The following CHADL variants were observed in gnomAD, a reference collection of about 807,000 sequenced individuals.
CHADL encodes the protein chondroadherin-like protein.
A neutral mutation model predicts 52.1 loss-of-function variants in CHADL; 48 were observed. The ratio of observed to expected loss-of-function variants is 0.92; its 90% CI spans 0.73 to 1.17. CHADL has a LOEUF of 1.17. Ranked by LOEUF, CHADL falls within the 50% of genes most tolerant of loss-of-function variation. The pLI is 0.00. For synonymous variants in CHADL, 498 were observed against 511.2 expected (o/e 0.97, Z 0.35); for missense variants, 977 against 1,035.1 (o/e 0.94, Z 0.77).
chr22:41,230,158 G>A (rs1266575738), intron 5 of CHADL: 1 of 1,549,748 alleles, frequency 6.5e-7, no homozygotes, highest in African/African-American at 1.4e-5. Context: ...TGCGTGTGAA[G>A]GAAGAGCATC....
intron 5 of CHADL, among the ~76,000 whole-genome samples, chr22:41,232,140 G>A (rs936642283): frequency 2.6e-5 from 4 of 151,750 alleles, no homozygotes; most frequent in East Asian, 1.9e-4. Flanking sequence ...AGACCATCCT[G>A]GCTAACACGA....
At chr22:41,231,290 C>T (rs1356801938) in intron 5 of CHADL, 1 of 152,238 alleles carries the variant, frequency 6.6e-6, no homozygotes, top group Non-Finnish European at 1.5e-5. Flanking sequence ...TGTTAGATCT[C>T]TATTCCTTGC....
intron 5 of CHADL, among the ~76,000 whole-genome samples, chr22:41,234,717 A>G (rs2032705129): frequency 6.6e-6 from 1 of 152,008 alleles, no homozygotes; most frequent in Non-Finnish European, 1.5e-5. Context: ...CCACAGCCGG[A>G]TAATTTTTTT....
At chr22:41,234,770 G>T (rs1291289354) in intron 5 of CHADL, among the ~76,000 whole-genome samples, 1 of 151,998 alleles carries the variant, frequency 6.6e-6, no homozygotes, top group Non-Finnish European at 1.5e-5. Context: ...TAGCCAGATG[G>T]TCTCTATCTC....
At chr22:41,237,122 C>A (rs879078970) in intron 3 of CHADL, 54 bp downstream of exon 3, 2 of 1,475,044 alleles carry the variant, frequency 1.4e-6, no homozygotes, top group South Asian at 1.3e-5. Context: ...ATGCACGCTG[C>A]CTGTGGCCTT....
At chr22:41,233,587 T>G (rs897569249) in intron 5 of CHADL, among the ~76,000 whole-genome samples, 18 of 152,296 alleles carry the variant, frequency 1.2e-4, no homozygotes, top group African/African-American at 4.3e-4. Context: ...AGGGAGCACC[T>G]GGGGCCACCA....
rs767027918 is a variant in CHADL at position 41,237,382 on chromosome 22, C to T, written c.1690G>A (p.Ala564Thr). ...GNRITEVSLG[A>T]LGPARELEKL... is the part of the protein sequence containing the mutation. ...TCCAGCTCCCGAGCTGGGCCCAGCG[C>T]CCCAAGGGACACTTCGGTGATGCGG... The change falls in exon 3 of 6, where the codon GCG (alanine) becomes ACG (threonine). Residue 564 changes from alanine (A) to threonine (T), a missense_variant. Transcript: ENST00000216241. The T allele has an allele frequency of 1.3e-6, 2 of 1,550,552 alleles. No individual in the cohort carries two copies. Among genetic ancestry groups the T allele is most frequent in the African/African-American group, 1.4e-5 (1 of 73,062 alleles).
At chr22:41,232,155 A>C (rs549546436) in intron 5 of CHADL, among the ~76,000 whole-genome samples, 1 of 151,882 alleles carries the variant, frequency 6.6e-6, no homozygotes, top group South Asian at 2.1e-4. Context: ...ACACGATGAA[A>C]CCCTGTCTCT....
chr22:41,238,875 C>T lies in CHADL; in HGVS notation c.197G>A (p.Arg66Gln). 3 of 1,536,178 alleles carry T rather than the reference C, an allele frequency of 2.0e-6. No homozygotes were observed. Among genetic ancestry groups the T allele is most frequent in the Non-Finnish European group, 1.8e-6 (2 of 1,136,266 alleles). ...CAGCAAATTGCCCTGCAGGTCCAGC[C>T]GCTGGGTCAGCTGGGGACAGCGAGG... ...VPDAIPELTQ[R>Q]LDLQGNLLKV... Residue 66 changes from arginine to glutamine, a missense_variant, in exon 3 of 6, where the codon CGG becomes CAG. Transcript: ENST00000216241. This position sits in a 1 kb window ranked among gnomAD's most constrained non-coding sequence, Gnocchi z 4.9.
In CHADL at chr22:41,237,836, C is replaced by G; in HGVS notation, c.1236G>C (p.Glu412Asp). 6.8e-7 allele frequency: 1 copy of G among 1,465,870 alleles called. No homozygotes were observed. Among genetic ancestry groups the G allele is most frequent in the Non-Finnish European group, 9.0e-7 (1 of 1,111,238 alleles). The allele number at this position is 1,465,870 out of a possible 1,614,324, so 90.8% of individuals were successfully genotyped here. The change falls in exon 3 of 6, where the codon GAG becomes GAC. Residue 412 changes from glutamate (E) to aspartate (D), a missense_variant. Coordinates refer to ENST00000216241, the MANE Select transcript of CHADL (RefSeq NM_138481.2). ...CVPESRHSSC[E>D]GCGLQAVPRG... ...GGGGCACCGCCTGCAGGCCGCAGCCCTCGCAGCTGCTGTGCCGGGACTCGG... is the reference window on the plus strand; with the variant it reads ...GGGGCACCGCCTGCAGGCCGCAGCCGTCGCAGCTGCTGTGCCGGGACTCGG...
Position 41,238,812 on chromosome 22 carries a change from T to G in CHADL, c.260A>C (p.His87Pro). ...GTGGCGCAGGTCCAGGTGTGTGAGG[T>G]GAGGCACGCCCTGGAAGGCGGCTGC... ...IPAAAFQGVPHLTHLDLRHCE... is the reference protein window; with the variant it reads ...IPAAAFQGVPPLTHLDLRHCE... Residue 87 changes from histidine to proline, a missense_variant, in exon 3 of 6, where the codon CAC becomes CCC. His to Pro is a moderately conservative substitution (Grantham distance 77). Coordinates refer to ENST00000216241, the MANE Select transcript of CHADL (RefSeq NM_138481.2). The surrounding 1 kb of genome is among the most constrained non-coding windows in gnomAD (Gnocchi z 4.9). 6.5e-7 allele frequency: 1 copy of G among 1,549,276 alleles called. No individual in the cohort carries two copies.
At position 41,237,641 on chromosome 22, in the gene CHADL, G is replaced by T; in HGVS notation, c.1431C>A (p.Tyr477Ter). The change falls in exon 3 of 6, where the codon TAC (tyrosine) becomes TAA (stop). Residue 477 changes from tyrosine (Y) to a stop codon, truncating the protein, a stop_gained. Coordinates refer to ENST00000216241, the MANE Select transcript of CHADL (RefSeq NM_138481.2). LOFTEE classifies it high-confidence loss of function. Reference protein sequence around the residue: ...GALAGLGRLIYLYLSDNQLAG... With the variant: ...GALAGLGRLI ...CGAGCTGGTTGTCGGAGAGGTACAG[G>T]TAGATCAGGCGGCCCAGCCCGGCCA... 1 of 1,549,180 alleles carries T rather than the reference G, an allele frequency of 6.5e-7. No homozygotes were observed. The highest frequency in any genetic ancestry group is 8.7e-7 in the Non-Finnish European group (1 of 1,146,044).
chr22:41,233,415 CTG>C (rs1322304371), intron 5 of CHADL, among the ~76,000 whole-genome samples: 5 of 151,924 alleles, frequency 3.3e-5, no homozygotes, highest in Admixed American at 1.3e-4. Context: ...TGAGCCAAGA[CTG>C]TGCCATTGCA....
chr22:41,230,040 C>T, intron 5 of CHADL: 1 of 860,160 alleles, frequency 1.2e-6, no homozygotes. Context: ...ATCCTAGGCC[C>T]CCATCTGTAG....
chr22:41,234,548 ATT>A (rs1234465636), intron 5 of CHADL, among the ~76,000 whole-genome samples: 2 of 139,218 alleles, frequency 1.4e-5, no homozygotes. Flanking sequence ...CGCCCAGCTA[ATT>A]TTTTTTTTTT....
chr22:41,234,804 C>T (rs1017051184), intron 5 of CHADL, among the ~76,000 whole-genome samples: 5 of 152,222 alleles, frequency 3.3e-5, no homozygotes, highest in Admixed American at 1.3e-4. Flanking sequence ...CTGCACGCCT[C>T]GGCCTCCCAA....
Position 41,238,765 on chromosome 22 carries a change from C to A in CHADL, c.307G>T (p.Glu103Ter). ...LRHCEVELVA[E>*]GAFRGLGRLL... is the part of the protein sequence containing the mutation. ...CGGCCCAGGCCACGGAAGGCGCCCT[C>A]GGCCACCAGCTCCACCTCGCAGTGG... Residue 103 changes from glutamate to a stop codon, truncating the protein, a stop_gained, in exon 3 of 6, where the codon GAG becomes TAG. Transcript: ENST00000216241. LOFTEE classifies it high-confidence loss of function. The surrounding 1 kb of genome is among the most constrained non-coding windows in gnomAD (Gnocchi z 4.9). 1 of 1,549,370 alleles carries A rather than the reference C, an allele frequency of 6.5e-7. No individual in the cohort carries two copies. Among genetic ancestry groups the A allele is most frequent in the East Asian group, 2.4e-5 (1 of 40,910 alleles).
rs1335974218 is a variant in CHADL at position 41,235,176 on chromosome 22, G to A, written c.2231C>T (p.Pro744Leu). The change falls in exon 5 of 6, where the codon CCC (proline) becomes CTC (leucine). Residue 744 changes from proline to leucine, a missense_variant. Coordinates refer to ENST00000216241, the MANE Select transcript of CHADL (RefSeq NM_138481.2). ...TGCTCCACACTGTCTTCCTTTGATG[G>A]GGGTTCTCCTGGCACTGGGCCTGGA... Reference protein sequence around the residue: ...PASRPSARRTPIKGRQCGADK... With the variant: ...PASRPSARRTLIKGRQCGADK... 1.9e-6 allele frequency: 3 copies of A among 1,551,416 alleles called. No individual in the cohort carries two copies. In the African/African-American group the frequency reaches 4.1e-5, roughly 21 times the overall value.
Position 41,229,574 on chromosome 22 carries a change from C to G in CHADL, c.*130G>C. The G allele has an allele frequency of 6.2e-7, 1 of 1,613,272 alleles. No homozygotes were observed. Among genetic ancestry groups the G allele is most frequent in the East Asian group, 2.2e-5 (1 of 44,836 alleles). Reference sequence around the variant, plus strand: ...TCCCGCCCACTAAGACGCGACCCCTCAGACAGGGGTCCAAGAAGCCCCTGC... The same window carrying G: ...TCCCGCCCACTAAGACGCGACCCCTGAGACAGGGGTCCAAGAAGCCCCTGC... On this transcript the variant is annotated 3_prime_UTR_variant, in exon 6 of 6. Coordinates refer to ENST00000216241, the MANE Select transcript of CHADL (RefSeq NM_138481.2).
Sources: allele counts gnomAD v4.1 joint callset (sites outside exome capture counted in the v4.1 genomes callset), GRCh38; gene constraint gnomAD v4.1.1; non-coding constraint Gnocchi (gnomAD v3.1); transcripts MANE v1.5; gene names NCBI Gene and HGNC (gene_info 2026-07-23, HGNC 2026-07-21).